The following ANGPT1 variants were observed in gnomAD, a reference collection of about 807,000 sequenced individuals.
ANGPT1 encodes the protein angiopoietin-1.
A neutral mutation model predicts 62.2 loss-of-function variants in ANGPT1; 17 were observed. The observed-to-expected ratio is 0.27, with a 90% CI of 0.19 to 0.41. The LOEUF is 0.41. Ranked by LOEUF, ANGPT1 falls within the 10% of genes least tolerant of loss-of-function variation. The pLI is 1.00. For synonymous variants in ANGPT1, 199 were observed against 198.9 expected, an observed-to-expected ratio of 1.00 and a Z score of 0.00; for missense variants, 478 against 594.9, an observed-to-expected ratio of 0.80 and a Z score of 2.04.
chr8:107,348,938 C>G (rs1432405269), intron 1 of ANGPT1, among the ~76,000 whole-genome samples: 1 of 152,152 alleles, frequency 6.6e-6, no homozygotes, highest in Non-Finnish European at 1.5e-5. Context: ...AAAGACATCA[C>G]AAGCAAGGCC....
intron 4 of ANGPT1, among the ~76,000 whole-genome samples, chr8:107,314,373 TCTC>T (rs1034260557): frequency 6.6e-6 from 1 of 152,162 alleles, no homozygotes; most frequent in Admixed American, 6.5e-5. Context: ...AAATTTCAAA[TCTC>T]CTCCGAAAGA....
chr8:107,296,038 T>A (rs2130190426), intron 5 of ANGPT1, among the ~76,000 whole-genome samples: 1 of 152,264 alleles, frequency 6.6e-6, no homozygotes, highest in African/African-American at 2.4e-5. Context: ...GATTTAAAAT[T>A]GATTTGAACT....
chr8:107,393,797 G>A (rs1167575295), intron 1 of ANGPT1, among the ~76,000 whole-genome samples: 3 of 152,258 alleles, frequency 2.0e-5, no homozygotes, highest in South Asian at 2.1e-4. Flanking sequence ...GCGGCTGGAC[G>A]AGACTCCATC....
At chr8:107,293,506 G>A (rs1357521093) in intron 6 of ANGPT1, among the ~76,000 whole-genome samples, 1 of 152,116 alleles carries the variant, frequency 6.6e-6, no homozygotes, top group African/African-American at 2.4e-5. Context: ...CACATGGAAA[G>A]GTCACATGGA....
intron 1 of ANGPT1, among the ~76,000 whole-genome samples, chr8:107,357,882 A>G (rs1816080537): frequency 6.6e-6 from 1 of 152,138 alleles, no homozygotes; most frequent in South Asian, 2.1e-4. Flanking sequence ...TTAAAATCAA[A>G]TCTCTTTCAA....
At chr8:107,368,365 G>A (rs927357760) in intron 1 of ANGPT1, among the ~76,000 whole-genome samples, 4 of 151,798 alleles carry the variant, frequency 2.6e-5, no homozygotes, top group African/African-American at 7.3e-5. Context: ...TGTCATTCAC[G>A]CTGTTTGGTT....
chr8:107,409,724 T>C (rs956420010), intron 1 of ANGPT1, among the ~76,000 whole-genome samples: 1 of 152,044 alleles, frequency 6.6e-6, no homozygotes, highest in African/African-American at 2.4e-5. Flanking sequence ...AATGCCTTTT[T>C]TTTTTGAAGA....
rs533801836 is a variant in ANGPT1 at position 107,251,127 on chromosome 8, T to C, written c.*728A>G. ...AGTTTTCACCACATACATCCTTACT[T>C]GATTATGTTCATTTCTTTTTCTGAA... On this transcript the variant is annotated 3_prime_UTR_variant, in exon 9 of 9. Transcript: ENST00000517746. The C allele has an allele frequency of 6.6e-6, 1 of 152,280 alleles. No individual in the cohort carries two copies. Among genetic ancestry groups the C allele is most frequent in the Non-Finnish European group, 1.5e-5 (1 of 68,012 alleles). 9.4% of individuals were successfully genotyped at this position (152,280 alleles called of 1,614,324 possible).
At chr8:107,448,398 T>C (rs1444800128) in intron 1 of ANGPT1, among the ~76,000 whole-genome samples, 1 of 152,202 alleles carries the variant, frequency 6.6e-6, no homozygotes, top group Non-Finnish European at 1.5e-5. Flanking sequence ...CCTCTATCAC[T>C]TTTCCATTTG....
chr8:107,372,716 G>A (rs1301640621), intron 1 of ANGPT1, among the ~76,000 whole-genome samples: 1 of 151,802 alleles, frequency 6.6e-6, no homozygotes, highest in African/African-American at 2.4e-5. Flanking sequence ...GCAGGTCTAT[G>A]ACCATCTGTT....
chr8:107,315,048 CA>C (rs1319708726), intron 4 of ANGPT1, among the ~76,000 whole-genome samples: 1 of 152,120 alleles, frequency 6.6e-6, no homozygotes, highest in Non-Finnish European at 1.5e-5. Flanking sequence ...AATGACTCCT[CA>C]GCACTGAGAA....
At chr8:107,294,112 A>G in intron 5 of ANGPT1, 75 bp from the exon 6 acceptor site, 2 of 1,232,010 alleles carry the variant, frequency 1.6e-6, no homozygotes, top group Non-Finnish European at 2.3e-6. Context: ...GTTTCAAAAT[A>G]GGAATAAGGC....
At chr8:107,297,752 CATAT>C (rs34606952) in intron 5 of ANGPT1, among the ~76,000 whole-genome samples, 9 of 146,264 alleles carry the variant, frequency 6.2e-5, no homozygotes, top group African/African-American at 7.5e-5. Context: ...ATTATGTATG[CATAT>C]ATATATATAT....
intron 1 of ANGPT1, among the ~76,000 whole-genome samples, chr8:107,469,305 C>G (rs1586348599): frequency 1.3e-5 from 2 of 152,074 alleles, no homozygotes; most frequent in East Asian, 3.9e-4. Flanking sequence ...GCTGTGTTAA[C>G]ATAAAATGAT....
intron 7 of ANGPT1, among the ~76,000 whole-genome samples, chr8:107,269,199 C>G (rs6993449): frequency 0.42 from 62,993 of 151,730 alleles, 13,804 homozygotes; most frequent in East Asian, 0.57. Context: ...CAGCTCTTTA[C>G]CTAGCTCAGA....
intron 5 of ANGPT1, chr8:107,295,326 CCCA>C (rs1029369690): frequency 2.0e-5 from 3 of 152,106 alleles, no homozygotes; most frequent in Admixed American, 6.6e-5. Flanking sequence ...CCCAGTAGTC[CCCA>C]CCACCACTAT....
At chr8:107,349,011 G>T (rs538297765) in intron 1 of ANGPT1, among the ~76,000 whole-genome samples, 1 of 152,192 alleles carries the variant, frequency 6.6e-6, no homozygotes, top group South Asian at 2.1e-4. Context: ...TTCCTCTGTG[G>T]TTAATAAGCT....
chr8:107,287,591 T>A (rs952505895), intron 6 of ANGPT1, among the ~76,000 whole-genome samples: 3 of 152,152 alleles, frequency 2.0e-5, no homozygotes, highest in Non-Finnish European at 2.9e-5. Flanking sequence ...AACTGTTTCA[T>A]TATAAAGATG....
At chr8:107,444,527 G>A (rs1246456624) in intron 1 of ANGPT1, among the ~76,000 whole-genome samples, 1 of 152,130 alleles carries the variant, frequency 6.6e-6, no homozygotes, top group Non-Finnish European at 1.5e-5. Flanking sequence ...CTCTGTAAAT[G>A]CAAATGAAGA....
Sources: gnomAD v4.1 joint callset for allele counts (sites outside exome capture counted in the v4.1 genomes callset) on GRCh38, gnomAD v4.1.1 for gene constraint, MANE v1.5 for transcripts, NCBI Gene and HGNC (gene_info 2026-07-23, HGNC 2026-07-21) for gene names.